Variants in PRKCB observed in about 807,000 individuals in gnomAD.
PRKCB encodes the protein protein kinase C beta, also known as protein kinase C beta type.
In PRKCB, 13 loss-of-function variants were observed where a neutral mutation model predicts 81.5. The ratio of observed to expected loss-of-function variants is 0.16; its 90% CI spans 0.10 to 0.25. The LOEUF (loss-of-function observed/expected upper bound fraction) is 0.25. PRKCB is among the 10% of genes least tolerant of loss of function. The pLI, the probability that PRKCB is intolerant of heterozygous loss-of-function variation, is 1.00. For missense variants in PRKCB, 509 were observed against 875.7 expected, an observed-to-expected ratio of 0.58 and a Z score of 5.29; for synonymous variants, 335 against 321.4, an observed-to-expected ratio of 1.04 and a Z score of -0.45.
At chr16:24,010,396 T>G (rs1248272343) in intron 3 of PRKCB, among the ~76,000 whole-genome samples, 2 of 152,242 alleles carry the variant, frequency 1.3e-5, no homozygotes, top group African/African-American at 4.8e-5. Context: ...TGGACTGGAT[T>G]CCTTCTGTGA....
intron 5 of PRKCB, among the ~76,000 whole-genome samples, chr16:24,082,805 G>A (rs1310146649): frequency 1.3e-5 from 2 of 151,290 alleles, no homozygotes; most frequent in Non-Finnish European, 2.9e-5. Context: ...GTTCTTAGAC[G>A]TGACACTTAA....
intron 16 of PRKCB, among the ~76,000 whole-genome samples, chr16:24,194,481 G>A (rs1967850222): frequency 6.6e-6 from 1 of 152,166 alleles, no homozygotes; most frequent in South Asian, 2.1e-4. Flanking sequence ...TTGGTTTATA[G>A]CCTCAGGGGT....
intron 3 of PRKCB, among the ~76,000 whole-genome samples, chr16:23,992,094 G>C (rs1422096071): frequency 6.6e-6 from 1 of 152,232 alleles, no homozygotes; most frequent in African/African-American, 2.4e-5. Context: ...GTTGCAATGA[G>C]AAGACAGTTG....
chr16:23,875,800 G>A (rs1276897089), intron 2 of PRKCB, among the ~76,000 whole-genome samples: 1 of 87,162 alleles, frequency 1.1e-5, no homozygotes, highest in African/African-American at 5.0e-5. Context: ...ACACATATAT[G>A]TGTGTATATC....
chr16:23,948,498 G>C (rs1051979846), intron 2 of PRKCB, among the ~76,000 whole-genome samples: 4 of 152,122 alleles, frequency 2.6e-5, no homozygotes, highest in Non-Finnish European at 5.9e-5. Flanking sequence ...CCACCTCCAG[G>C]GTTCAAGCGA....
At chr16:23,871,185 T>G (rs897029936) in intron 2 of PRKCB, among the ~76,000 whole-genome samples, 1 of 152,170 alleles carries the variant, frequency 6.6e-6, no homozygotes, top group African/African-American at 2.4e-5. Context: ...GTATCTCTTA[T>G]GGAGAGAGTC....
intron 3 of PRKCB, among the ~76,000 whole-genome samples, chr16:23,994,759 C>A (rs977826263): frequency 1.3e-5 from 2 of 152,312 alleles, no homozygotes; most frequent in East Asian, 1.9e-4. Flanking sequence ...TTATCAAATG[C>A]CTTTTTCTCC....
rs1229274482 is a variant in PRKCB, at chr16:24,091,051, ACT to A, written c.530-1737_530-1736del. Among the ~76,000 whole-genome samples the A allele has an allele frequency of 3.9e-5, 6 of 152,208 alleles. No individual in the cohort carries two copies. The South Asian group carries it at 8.3e-4, about 21-fold the overall frequency. ...TAGGTGCATCTTGGTTTAGAGGGTAACTCTTTATTTCTTACTGCACTTATGGA... is the reference window on the plus strand; with the variant it reads ...TAGGTGCATCTTGGTTTAGAGGGTAACTTTATTTCTTACTGCACTTATGGA... On this transcript the variant is annotated intron_variant, in intron 5 of 16. Transcript: ENST00000643927.
chr16:24,196,810 G>A (rs113193566), intron 16 of PRKCB, among the ~76,000 whole-genome samples: 3 of 152,236 alleles, frequency 2.0e-5, no homozygotes, highest in Admixed American at 2.0e-4. Flanking sequence ...AGAACCTGTT[G>A]TAGCAGTGCA....
At chr16:24,206,357 T>A (rs1968045631) in intron 16 of PRKCB, among the ~76,000 whole-genome samples, 1 of 152,208 alleles carries the variant, frequency 6.6e-6, no homozygotes, top group Non-Finnish European at 1.5e-5. Context: ...AAAGATGCGC[T>A]TGTCTTTTTG....
chr16:23,960,320 C>G (rs1964408473), intron 2 of PRKCB, among the ~76,000 whole-genome samples: 1 of 152,126 alleles, frequency 6.6e-6, no homozygotes, highest in Admixed American at 6.5e-5. Context: ...CCACTTTCCC[C>G]TCTCCTCACC....
chr16:24,108,116 A>C (rs913639754), intron 7 of PRKCB, among the ~76,000 whole-genome samples: 25 of 150,506 alleles, frequency 1.7e-4, no homozygotes, highest in Non-Finnish European at 3.1e-4. Flanking sequence ...AACACCATCT[A>C]CTTGCACGTG....
At chr16:23,943,690 G>A (rs542915142) in intron 2 of PRKCB, among the ~76,000 whole-genome samples, 39 of 152,268 alleles carry the variant, frequency 2.6e-4, no homozygotes, top group South Asian at 2.1e-3. Flanking sequence ...TGGTTGAGTC[G>A]AATGATTTAA....
rs1050864080 is a variant in PRKCB, at chr16:23,852,237, C to T, written c.205+14831C>T. ...TCAGTGCTGAGAAGGATGTTAGCTA[C>T]GGGTTTGTCATAATAGAGCCCATAG... On this transcript the variant is annotated intron_variant, in intron 2 of 16. Coordinates refer to ENST00000643927, the MANE Select transcript of PRKCB (RefSeq NM_002738.7). 6.6e-5 allele frequency among the ~76,000 whole-genome samples: 10 copies of T among 152,108 alleles called. No homozygotes were observed. In the East Asian group the frequency reaches 7.7e-4, roughly 12 times the overall value.
intron 7 of PRKCB, among the ~76,000 whole-genome samples, chr16:24,111,649 A>C (rs563207734): frequency 3.4e-4 from 51 of 151,076 alleles, no homozygotes; most frequent in African/African-American, 1.2e-3. Flanking sequence ...AGAAAAAAAA[A>C]ACAGCCAGGT....
intron 2 of PRKCB, chr16:23,893,750 A>C (rs1468212561): frequency 1.3e-5 from 2 of 152,216 alleles, no homozygotes. Context: ...CTTTTTCCAC[A>C]AAAGGATTTT....
At chr16:23,911,127 G>GTTTTTTTTTTTT (rs1567310884) in intron 2 of PRKCB, among the ~76,000 whole-genome samples, 2 of 11,788 alleles carry the variant, frequency 1.7e-4, no homozygotes, top group Non-Finnish European at 3.4e-4. Context: ...ACGTATATAT[G>GTTTTTTTTTTTT]CTTTTTTTTT....
intron 2 of PRKCB, among the ~76,000 whole-genome samples, chr16:23,981,204 G>C (rs1439841639): frequency 6.6e-6 from 1 of 152,084 alleles, no homozygotes; most frequent in Non-Finnish European, 1.5e-5. Flanking sequence ...GGCTCTAGGG[G>C]ACAATCTGTT....
chr16:23,967,366 C>T (rs1019546818), intron 2 of PRKCB, among the ~76,000 whole-genome samples: 9 of 152,140 alleles, frequency 5.9e-5, no homozygotes, highest in African/African-American at 1.7e-4. Context: ...CCCATGGGGG[C>T]GATAGGGTGG....
Sources: allele counts gnomAD v4.1 joint callset (sites outside exome capture counted in the v4.1 genomes callset), GRCh38; gene constraint gnomAD v4.1.1; transcripts MANE v1.5; gene names NCBI Gene and HGNC (gene_info 2026-07-23, HGNC 2026-07-21).